The following CCDC178 variants were observed in gnomAD, a reference collection of about 807,000 sequenced individuals.
CCDC178 encodes the protein coiled-coil domain-containing protein 178.
A neutral mutation model predicts 117.4 loss-of-function variants in CCDC178; 126 were observed. The observed-to-expected ratio is 1.07, with a 90% CI of 0.93 to 1.24. The LOEUF is 1.24. Among genes scored for constraint, CCDC178 ranks in the 50% most tolerant of loss-of-function variants. CCDC178 has a pLI of 0.00. For synonymous variants in CCDC178, 283 were observed against 313.4 expected (o/e 0.90, Z 1.02); for missense variants, 1,030 against 986.9 (o/e 1.04, Z -0.59).
intron 22 of CCDC178, among the ~76,000 whole-genome samples, chr18:32,947,719 T>C (rs1228411964): frequency 6.6e-6 from 1 of 152,198 alleles, no homozygotes; most frequent in Non-Finnish European, 1.5e-5. Flanking sequence ...TACATTTTGA[T>C]AAAATCCAAT....
At chr18:33,029,209 C>T (rs1175737302) in intron 21 of CCDC178, among the ~76,000 whole-genome samples, 1 of 151,846 alleles carries the variant, frequency 6.6e-6, no homozygotes, top group Non-Finnish European at 1.5e-5. Flanking sequence ...TAAGTCTACT[C>T]ATATTTTTAA....
chr18:33,164,815 T>C (rs1347669528), intron 20 of CCDC178, among the ~76,000 whole-genome samples: 3 of 152,194 alleles, frequency 2.0e-5, no homozygotes, highest in Non-Finnish European at 2.9e-5. Context: ...ATATTTTTCT[T>C]TGATACTACA....
chr18:33,002,387 T>G (rs1030053072), intron 21 of CCDC178, among the ~76,000 whole-genome samples: 2 of 152,106 alleles, frequency 1.3e-5, no homozygotes, highest in Admixed American at 1.3e-4. Context: ...AAGAGGAATT[T>G]TGAAACTAAA....
At chr18:33,222,224 CTTCCT>C (rs1314280953) in intron 18 of CCDC178, among the ~76,000 whole-genome samples, 1 of 150,844 alleles carries the variant, frequency 6.6e-6, no homozygotes, top group Non-Finnish European at 1.5e-5. Context: ...TCCTCCCTCC[CTTCCT>C]TTCTTCCTTC....
intron 12 of CCDC178, among the ~76,000 whole-genome samples, chr18:33,279,142 T>A (rs1165684586): frequency 2.0e-5 from 3 of 152,058 alleles, no homozygotes; most frequent in Non-Finnish European, 2.9e-5. Flanking sequence ...GGGTATTCAA[T>A]TAGGAAAAGA....
At chr18:33,182,698 T>C (rs1322658261) in intron 20 of CCDC178, among the ~76,000 whole-genome samples, 2 of 151,992 alleles carry the variant, frequency 1.3e-5, no homozygotes, top group Non-Finnish European at 2.9e-5. Context: ...CATTTAGTTA[T>C]TGCTCTATTA....
At chr18:33,272,891 T>G (rs1218418002) in intron 12 of CCDC178, among the ~76,000 whole-genome samples, 1 of 151,364 alleles carries the variant, frequency 6.6e-6, no homozygotes, top group Non-Finnish European at 1.5e-5. Context: ...AAAGGGAAAT[T>G]TTCTTATCCT....
At chr18:33,228,198 C>T (rs2059330726) in intron 15 of CCDC178, among the ~76,000 whole-genome samples, 1 of 152,134 alleles carries the variant, frequency 6.6e-6, no homozygotes, top group Non-Finnish European at 1.5e-5. Flanking sequence ...CTTCCAGGTA[C>T]ATTAATAAAA....
At chr18:33,062,603 A>C (rs2056942465) in intron 21 of CCDC178, among the ~76,000 whole-genome samples, 1 of 152,124 alleles carries the variant, frequency 6.6e-6, no homozygotes, top group South Asian at 2.1e-4. Context: ...CTATAGTTTC[A>C]CCATGAATTC....
intron 11 of CCDC178, among the ~76,000 whole-genome samples, chr18:33,313,926 C>T (rs1308511587): frequency 1.3e-5 from 2 of 152,034 alleles, no homozygotes; most frequent in Non-Finnish European, 2.9e-5. Context: ...GTGGGCCGGG[C>T]GCGGTGGCTC....
At chr18:33,255,622 G>A (rs2059669915) in intron 14 of CCDC178, among the ~76,000 whole-genome samples, 1 of 151,998 alleles carries the variant, frequency 6.6e-6, no homozygotes, top group South Asian at 2.1e-4. Context: ...AACAGTGCAG[G>A]ATTTAAGTTA....
At chr18:33,336,174 T>G (rs1433149929) in intron 9 of CCDC178, among the ~76,000 whole-genome samples, 3 of 152,146 alleles carry the variant, frequency 2.0e-5, no homozygotes, top group Non-Finnish European at 4.4e-5. Context: ...ACAACTTTCT[T>G]GGCTGCTCAA....
rs571196565 is a variant in CCDC178, at chr18:33,228,228, A to T, written c.1594-1373T>A. Among the ~76,000 whole-genome samples the T allele has an allele frequency of 1.1e-3, 161 of 152,224 alleles. 3 individuals are homozygous for T. Among genetic ancestry groups the T allele is most frequent in the Non-Finnish European group, 3.7e-4 (25 of 68,044 alleles). ...ATAAAATTAGTGAAGAATGGTAAGC[A>T]AAGTGTGTGTTTTAGATCACTCTGG... On this transcript the variant is annotated intron_variant, in intron 15 of 22. Transcript: ENST00000383096.
intron 2 of CCDC178, among the ~76,000 whole-genome samples, chr18:33,422,706 T>C (rs2064044102): frequency 6.6e-6 from 1 of 152,290 alleles, no homozygotes; most frequent in South Asian, 2.1e-4. Context: ...AGCACAAATC[T>C]ATGCAATGCC....
At chr18:33,323,798 T>C (rs1396519017) in intron 10 of CCDC178, among the ~76,000 whole-genome samples, 165 bp from the exon 11 acceptor site, 2 of 151,866 alleles carry the variant, frequency 1.3e-5, no homozygotes, top group Non-Finnish European at 3.0e-5. Context: ...TGACAGGCAT[T>C]AATGCTGGGA....
At chr18:33,417,530 C>CTG (rs2063961525) in intron 2 of CCDC178, among the ~76,000 whole-genome samples, 1 of 63,218 alleles carries the variant, frequency 1.6e-5, no homozygotes, top group Non-Finnish European at 3.2e-5. Flanking sequence ...GTTCACAGAG[C>CTG]TGTATACACA....
chr18:33,434,632 G>A (rs1485447088), intron 2 of CCDC178, among the ~76,000 whole-genome samples: 3 of 152,054 alleles, frequency 2.0e-5, no homozygotes, highest in Non-Finnish European at 2.9e-5. Context: ...AAATCTGAAA[G>A]CAACTGAGAT....
intron 5 of CCDC178, among the ~76,000 whole-genome samples, chr18:33,387,017 G>C (rs932884280): frequency 6.6e-6 from 1 of 152,116 alleles, no homozygotes; most frequent in Non-Finnish European, 1.5e-5. Context: ...CTTTAGCAAA[G>C]TCTCAGGATA....
At chr18:33,159,572 T>G (rs1276822101) in intron 20 of CCDC178, among the ~76,000 whole-genome samples, 1 of 152,126 alleles carries the variant, frequency 6.6e-6, no homozygotes, top group Non-Finnish European at 1.5e-5. Context: ...TTCCTTCTGT[T>G]GTCAAATCTC....
Sources: allele counts gnomAD v4.1 joint callset (sites outside exome capture counted in the v4.1 genomes callset), GRCh38; gene constraint gnomAD v4.1.1; transcripts MANE v1.5; gene names NCBI Gene and HGNC (gene_info 2026-07-23, HGNC 2026-07-21).